SERPINA11: variants seen among roughly 807,000 people sequenced by gnomAD.
SERPINA11 encodes the protein serpin family A member 11.
Under a neutral mutation model 29.4 loss-of-function variants are expected in SERPINA11, and 28 were observed. The ratio of observed to expected loss-of-function variants is 0.95; its 90% CI spans 0.70 to 1.30. The LOEUF (loss-of-function observed/expected upper bound fraction) is 1.30, where lower values mean the gene tolerates loss of function less well. Ranked by LOEUF, SERPINA11 falls within the 50% of genes most tolerant of loss-of-function variation. SERPINA11 has a pLI of 0.00. For synonymous variants in SERPINA11, 253 were observed against 206.6 expected (o/e 1.22, Z -1.92); for missense variants, 530 against 507.3 (o/e 1.04, Z -0.43).
chr14:94,452,328 G>C (rs973730911), intron 1 of SERPINA11, among the ~76,000 whole-genome samples: 5 of 152,178 alleles, frequency 3.3e-5, no homozygotes, highest in Non-Finnish European at 5.9e-5. Flanking sequence ...GCAAGACTCA[G>C]ATTCCAGACC....
At chr14:94,452,276 G>T (rs1036798837) in intron 1 of SERPINA11, among the ~76,000 whole-genome samples, 1 of 152,176 alleles carries the variant, frequency 6.6e-6, no homozygotes, top group Non-Finnish European at 1.5e-5. Context: ...CACAGGGAAT[G>T]ACTGATGCAG....
At chr14:94,445,739 TG>T (rs1412741611) in intron 3 of SERPINA11, among the ~76,000 whole-genome samples, 7 of 131,712 alleles carry the variant, frequency 5.3e-5, no homozygotes, top group Non-Finnish European at 1.8e-5. Flanking sequence ...CAGCTATATA[TG>T]TTTTTTTTTC....
chr14:94,448,485 G>T lies in SERPINA11; in HGVS notation c.290C>A (p.Ala97Asp). ...GAATCCCAGGCCCTCCAGGATCAGA[G>T]CTGAGGTGTTAGCTTGGGCCCCAAG... ...LSLGAQANTS[A>D]LILEGLGFNL... Residue 97 changes from alanine to aspartate, a missense_variant, in exon 2 of 5, where the codon GCT (alanine) becomes GAT (aspartate). By Grantham distance (126) the Ala-to-Asp change is moderately radical. Coordinates refer to ENST00000334708, the MANE Select transcript of SERPINA11 (RefSeq NM_001080451.2). 1 of 1,614,202 alleles carries T rather than the reference G, an allele frequency of 6.2e-7. No individual in the cohort carries two copies. The highest frequency in any genetic ancestry group is 8.5e-7 in the Non-Finnish European group (1 of 1,180,036).
chr14:94,446,845 C>T (rs573356249), intron 2 of SERPINA11, among the ~76,000 whole-genome samples: 2 of 152,306 alleles, frequency 1.3e-5, no homozygotes, highest in African/African-American at 4.8e-5. Flanking sequence ...TTCTAACAAG[C>T]CAAAAGGTAT....
At chr14:94,451,202 C>G (rs143161664) in intron 1 of SERPINA11, among the ~76,000 whole-genome samples, 3 of 152,214 alleles carry the variant, frequency 2.0e-5, no homozygotes, top group African/African-American at 7.2e-5. Context: ...GGGTTTGTAG[C>G]CCCTGGTGCC....
intron 1 of SERPINA11, among the ~76,000 whole-genome samples, chr14:94,452,173 C>T (rs1898598698): frequency 6.6e-6 from 1 of 152,134 alleles, no homozygotes; most frequent in South Asian, 2.1e-4. Context: ...GCCCAAATAC[C>T]GGTAGTGCCC....
In SERPINA11 at chr14:94,449,435, TTCTTTC is replaced by T. The variant is rs757779583; in HGVS notation, c.-3-664_-3-659del. Among the ~76,000 whole-genome samples, 67 of 104,344 alleles carry T rather than the reference TTCTTTC, an allele frequency of 6.4e-4. 4 individuals carry two copies. Among genetic ancestry groups the T allele is most frequent in the Admixed American group, 4.2e-3 (43 of 10,286 alleles). 68.5% of individuals were successfully genotyped at this position (104,344 alleles called of 152,430 possible). On this transcript the variant is annotated intron_variant, in intron 1 of 4. Coordinates refer to ENST00000334708, the MANE Select transcript of SERPINA11 (RefSeq NM_001080451.2). ...TTTCTTTCTTTCTTTCTTTCTTTCT[TTCTTTC>T]TTTCTTTCTTTCTTTCTTTCTTTCT...
intron 1 of SERPINA11, among the ~76,000 whole-genome samples, chr14:94,449,392 CTTTCTTTCTTTCTA>C (rs1566784501): frequency 7.9e-5 from 3 of 37,892 alleles, no homozygotes; most frequent in African/African-American, 1.4e-4. Flanking sequence ...CTCCCTCCCT[CTTTCTTTCTTTCTA>C]TTCTTTCTTT....
At chr14:94,449,837 C>A (rs1184546504) in intron 1 of SERPINA11, among the ~76,000 whole-genome samples, 1 of 152,160 alleles carries the variant, frequency 6.6e-6, no homozygotes, top group Non-Finnish European at 1.5e-5. Context: ...CCTGGCCACA[C>A]TGCCAGTGAT....
intron 2 of SERPINA11, 53 bp from the exon 3 acceptor site, chr14:94,446,657 C>G: frequency 2.0e-6 from 3 of 1,534,496 alleles, no homozygotes; most frequent in East Asian, 2.3e-5. Flanking sequence ...GAGAGCAACT[C>G]TGGGTAGACA....
chr14:94,448,787 AG>A lies in SERPINA11; in HGVS notation c.-3-11del. On this transcript the variant is annotated splice_polypyrimidine_tract_variant and intron_variant, in intron 1 of 4. Transcript: ENST00000334708. The stretch of plus-strand genomic sequence containing the variant: ...AAGCTGGACCCATTCTCTGAAAACA[AG>A]AGGGTGAACATGTCACTTTTCTCCA... 1 of 1,506,270 alleles carries A rather than the reference AG, an allele frequency of 6.6e-7. No individual in the cohort carries two copies. 93.3% of individuals were successfully genotyped at this position (1,506,270 alleles called of 1,614,324 possible).
In SERPINA11 at chr14:94,447,997, CG is replaced by C; in HGVS notation, c.643+134del. On this transcript the variant is annotated intron_variant, in intron 2 of 4. Transcript: ENST00000334708. ...TTCCAACCCACATGGACTGTGGCTACGCAAGGGTGGGAAAGCTCTATCTTAT... is the reference window on the plus strand; with the variant it reads ...TTCCAACCCACATGGACTGTGGCTACCAAGGGTGGGAAAGCTCTATCTTAT... 1.9e-5 allele frequency: 16 copies of C among 847,404 alleles called. No homozygotes were observed. In the South Asian group the frequency reaches 2.2e-4, roughly 11 times the overall value. 52.5% of individuals were successfully genotyped at this position (847,404 alleles called of 1,614,324 possible). A position where few individuals can be genotyped will look rare whatever the true frequency, so the allele number is the denominator to read the frequency against.
Position 94,446,315 on chromosome 14 carries a change from C to T in SERPINA11, c.917+16G>A, listed in dbSNP as rs115117747. 1,021 of 1,607,060 alleles carry T rather than the reference C, an allele frequency of 6.4e-4. 7 individuals are homozygous for T. In the African/African-American group the frequency reaches 0.012, roughly 19 times the overall value. On this transcript the variant is annotated intron_variant, in intron 3 of 4. Coordinates refer to ENST00000334708, the MANE Select transcript of SERPINA11 (RefSeq NM_001080451.2). ...TTGAGCAAGGTCAGCCAGCATCCTTCTGCTGTGACACTTACCTGGGCAGGA... is the reference window on the plus strand; with the variant it reads ...TTGAGCAAGGTCAGCCAGCATCCTTTTGCTGTGACACTTACCTGGGCAGGA...
chr14:94,442,556 A>C lies in SERPINA11; in HGVS notation c.*50T>G. The C allele has an allele frequency of 7.2e-7, 1 of 1,397,958 alleles. No individual in the cohort carries two copies. Among genetic ancestry groups the C allele is most frequent in the South Asian group, 1.3e-5 (1 of 78,272 alleles). 86.6% of individuals were successfully genotyped at this position (1,397,958 alleles called of 1,614,324 possible). On this transcript the variant is annotated 3_prime_UTR_variant, in exon 5 of 5. Coordinates refer to ENST00000334708, the MANE Select transcript of SERPINA11 (RefSeq NM_001080451.2). ...CCAGGATGCAGGCTGGTTCTGGCCT[A>C]TCTGTTTGGTCCAGGATGAGATAAG...
Position 94,448,184 on chromosome 14 carries a change from C to G in SERPINA11, c.591G>C (p.Pro197=). 1 of 1,614,182 alleles carries G rather than the reference C, an allele frequency of 6.2e-7. No individual in the cohort carries two copies. The highest frequency in any genetic ancestry group is 8.5e-7 in the Non-Finnish European group (1 of 1,180,038). The change falls in exon 2 of 5, where the codon CCG becomes CCC. Residue 197 remains proline (P), a synonymous_variant. Transcript: ENST00000334708. ...QTYGQVVDCL[P]EFSQDTFMVL... is the part of the protein sequence containing the mutation. ...CCATGAACGTGTCCTGGCTGAACTC[C>G]GGGAGGCAGTCCACGACTTGCCCGT...
At chr14:94,448,817 A>G in intron 1 of SERPINA11, 40 bp from the exon 2 acceptor site, 1 of 1,492,958 alleles carries the variant, frequency 6.7e-7, no homozygotes, top group Non-Finnish European at 8.9e-7. Flanking sequence ...TTCTCCATAA[A>G]TAATGTCATG....
In SERPINA11 at chr14:94,448,469, G is replaced by A. The variant is rs758550266; in HGVS notation, c.306C>T (p.Gly102=). ...GGGTTTCTGTGAGGTTGAATCCCAGGCCCTCCAGGATCAGAGCTGAGGTGT... is the reference window on the plus strand; with the variant it reads ...GGGTTTCTGTGAGGTTGAATCCCAGACCCTCCAGGATCAGAGCTGAGGTGT... ...QANTSALILE[G]LGFNLTETPE... The change falls in exon 2 of 5, where the codon GGC becomes GGT. Residue 102 remains glycine, a synonymous_variant. Transcript: ENST00000334708. The A allele has an allele frequency of 4.3e-6, 7 of 1,614,186 alleles. No individual in the cohort carries two copies. The Admixed American group carries it at 8.3e-5, about 19-fold the overall frequency.
In SERPINA11 at chr14:94,451,967, A is replaced by G. The variant is rs185427912; in HGVS notation, c.-4+762T>C. Among the ~76,000 whole-genome samples the G allele has an allele frequency of 2.0e-5, 3 of 152,316 alleles. No individual in the cohort carries two copies. The East Asian group carries it at 5.8e-4, about 29-fold the overall frequency. On this transcript the variant is annotated intron_variant, in intron 1 of 4. Transcript: ENST00000334708. ...ACTTATTAAGGGTTTATGAAGTGAT[A>G]GGATATTACATGCATTGTAACACTG...
rs202035957 is a variant in SERPINA11 at position 94,443,142 on chromosome 14, T to C, written c.1001A>G (p.Asn334Ser). The change falls in exon 4 of 5, where the codon AAC becomes AGC. Residue 334 changes from asparagine (N) to serine (S), a missense_variant. Asn to Ser is a conservative substitution (Grantham distance 46, BLOSUM62 1). Transcript: ENST00000334708. ...EDILPQIGLT[N>S]ILNLEADFSG... ...GAAGTCAGCTTCTAAGTTGAGTATG[T>C]TGGTGAGACCAATTTGGGGAAGTAT... 4.0e-5 allele frequency: 65 copies of C among 1,614,020 alleles called. No homozygotes were observed. The highest frequency in any genetic ancestry group is 5.4e-5 in the Non-Finnish European group (64 of 1,180,000).
Sources: gnomAD v4.1 joint callset for allele counts (sites outside exome capture counted in the v4.1 genomes callset) on GRCh38, gnomAD v4.1.1 for gene constraint, MANE v1.5 for transcripts, NCBI Gene and HGNC (gene_info 2026-07-23, HGNC 2026-07-21) for gene names.